Variants in RALGPS2 observed in about 807,000 individuals in gnomAD.
RALGPS2 encodes the protein ras-specific guanine nucleotide-releasing factor RalGPS2.
A neutral mutation model predicts 86.8 loss-of-function variants in RALGPS2; 43 were observed. That is an observed-to-expected ratio of 0.50 (90% CI 0.39 to 0.64). RALGPS2 has a LOEUF of 0.64. Ranked by LOEUF, RALGPS2 falls within the 30% of genes least tolerant of loss-of-function variation. The pLI is 0.00. For missense variants in RALGPS2, 536 were observed against 694.6 expected (o/e 0.77, Z 2.57); for synonymous variants, 243 against 231.3 (o/e 1.05, Z -0.46).
intron 10 of RALGPS2, 190 bp downstream of exon 10, chr1:178,879,182 C>T: frequency 3.2e-6 from 2 of 626,602 alleles, no homozygotes; most frequent in East Asian, 7.4e-5. Context: ...ATACAAATAC[C>T]TCATCTGTTC....
At chr1:178,818,351 C>A (rs998681525) in intron 6 of RALGPS2, among the ~76,000 whole-genome samples, 3 of 152,118 alleles carry the variant, frequency 2.0e-5, no homozygotes, top group Non-Finnish European at 4.4e-5. Context: ...CAGAGCGAGA[C>A]CACGTCTCAA....
At chr1:178,885,836 C>T (rs1295322705) in intron 12 of RALGPS2, 133 bp from the exon 13 acceptor site, 3 of 749,224 alleles carry the variant, frequency 4.0e-6, no homozygotes, top group Non-Finnish European at 6.2e-6. Flanking sequence ...CTAAACTGTT[C>T]ATTTGAGGCT....
rs573865891 is a variant in RALGPS2, at chr1:178,838,185, G to A, written c.607+4635G>A. Among the ~76,000 whole-genome samples, 57 of 152,280 alleles carry A rather than the reference G, an allele frequency of 3.7e-4. No homozygotes were observed. In the South Asian group the frequency reaches 5.4e-3, roughly 14 times the overall value. On this transcript the variant is annotated intron_variant, in intron 8 of 19. Transcript: ENST00000367635. ...AGCTTTGAAGAGAGTAATGGTTCTC[G>A]CAGCACAGAGTTTGAGATCTGAGAA...
At chr1:178,801,799 G>C (rs1654490822) in intron 4 of RALGPS2, among the ~76,000 whole-genome samples, 1 of 120,314 alleles carries the variant, frequency 8.3e-6, no homozygotes, top group South Asian at 2.9e-4. Context: ...ATTAACAAAA[G>C]GTGACTTGAT....
At chr1:178,906,904 T>C (rs1177640381) in intron 19 of RALGPS2, 37 bp downstream of exon 19, 1 of 1,579,158 alleles carries the variant, frequency 6.3e-7, no homozygotes, top group Non-Finnish European at 8.7e-7. Flanking sequence ...TAGTCCATAA[T>C]TTGGGAACAT....
chr1:178,754,484 C>T (rs1651852747), intron 1 of RALGPS2, among the ~76,000 whole-genome samples: 1 of 152,172 alleles, frequency 6.6e-6, no homozygotes, highest in African/African-American at 2.4e-5. Context: ...TTTGTTGTTT[C>T]AGTCTTGAGT....
At chr1:178,832,774 A>T (rs1252035279) in intron 7 of RALGPS2, among the ~76,000 whole-genome samples, 2 of 150,610 alleles carry the variant, frequency 1.3e-5, no homozygotes, top group African/African-American at 4.9e-5. Flanking sequence ...TGGGTGACTG[A>T]CTTTGCTTTT....
chr1:178,767,271 A>T (rs148552052), intron 1 of RALGPS2, among the ~76,000 whole-genome samples: 1 of 151,604 alleles, frequency 6.6e-6, no homozygotes, highest in African/African-American at 2.4e-5. Context: ...AAGACAGGAC[A>T]GTCTGGCCTT....
At chr1:178,797,231 C>G (rs1654234976) in intron 4 of RALGPS2, among the ~76,000 whole-genome samples, 1 of 152,082 alleles carries the variant, frequency 6.6e-6, no homozygotes, top group South Asian at 2.1e-4. Flanking sequence ...TAATTTATTT[C>G]CTGGATTGTA....
At chr1:178,736,181 T>A in intron 1 of RALGPS2, among the ~76,000 whole-genome samples, 1 of 148,544 alleles carries the variant, frequency 6.7e-6, no homozygotes, top group East Asian at 2.0e-4. Context: ...TTTTTTTTTT[T>A]CTGAGACAGA....
chr1:178,867,801 C>A (rs998009903), intron 8 of RALGPS2, among the ~76,000 whole-genome samples: 1 of 151,948 alleles, frequency 6.6e-6, no homozygotes, highest in African/African-American at 2.4e-5. Context: ...TATATCTAAC[C>A]TATGATTATG....
At position 178,886,060 on chromosome 1, in the gene RALGPS2, C is replaced by T; in HGVS notation, c.1132C>T (p.Pro378Ser). The T allele has an allele frequency of 6.2e-7, 1 of 1,613,458 alleles. No homozygotes were observed. The highest frequency in any genetic ancestry group is 1.1e-5 in the South Asian group (1 of 90,936). Residue 378 changes from proline to serine, a missense_variant, in exon 13 of 20, where the codon CCC becomes TCC. Pro to Ser is a moderately conservative substitution (Grantham distance 74). This residue lies in a region of RALGPS2 where 309 missense variants were observed against 363.0 expected (regional missense o/e 0.85). Coordinates refer to ENST00000367635, the MANE Select transcript of RALGPS2 (RefSeq NM_152663.5). ...TCTGTTAGATGATAGCGTCATGGAG[C>T]CCCATGCGCCATCTCGAGGCCAAGC... ...RHLLDDSVME[P>S]HAPSRGQAES...
chr1:178,744,949 G>A (rs893980415), intron 1 of RALGPS2, among the ~76,000 whole-genome samples: 1 of 152,086 alleles, frequency 6.6e-6, no homozygotes, highest in African/African-American at 2.4e-5. Context: ...GGGACTAAGT[G>A]AATTTAGTAA....
At chr1:178,827,008 G>A (rs1361963711) in intron 7 of RALGPS2, among the ~76,000 whole-genome samples, 2 of 152,144 alleles carry the variant, frequency 1.3e-5, no homozygotes, top group Non-Finnish European at 2.9e-5. Flanking sequence ...AATGAATTTA[G>A]TAACATTCCA....
intron 11 of RALGPS2, 30 bp downstream of exon 11, chr1:178,883,563 A>C (rs1466740520): frequency 6.5e-7 from 1 of 1,536,084 alleles, no homozygotes; most frequent in Non-Finnish European, 9.0e-7. Context: ...TTGTTACCAA[A>C]TCTAAATCAG....
chr1:178,885,747 C>G, intron 12 of RALGPS2: 1 of 348,088 alleles, frequency 2.9e-6, no homozygotes, highest in Non-Finnish European at 5.1e-6. Flanking sequence ...TAAACGGACA[C>G]GAGGCTTAAA....
chr1:178,781,026 AT>A (rs1448467310), intron 2 of RALGPS2, among the ~76,000 whole-genome samples: 2 of 151,686 alleles, frequency 1.3e-5, no homozygotes, highest in Non-Finnish European at 2.9e-5. Context: ...ATATATATAT[AT>A]GTATGTGTAT....
At chr1:178,904,633 T>A (rs1326159246) in intron 18 of RALGPS2, among the ~76,000 whole-genome samples, 1 of 152,194 alleles carries the variant, frequency 6.6e-6, no homozygotes, top group Non-Finnish European at 1.5e-5. Context: ...TATGTTTTTG[T>A]TTGCTTTGTT....
At chr1:178,859,975 A>G (rs2102319474) in intron 8 of RALGPS2, among the ~76,000 whole-genome samples, 1 of 152,024 alleles carries the variant, frequency 6.6e-6, no homozygotes, top group Admixed American at 6.5e-5. Context: ...TCTCGGCTAC[A>G]CAAAGCACTT....
Sources: allele counts gnomAD v4.1 joint callset (sites outside exome capture counted in the v4.1 genomes callset), GRCh38; gene constraint gnomAD v4.1.1; regional missense constraint gnomAD v4.1.1; transcripts MANE v1.5; gene names NCBI Gene and HGNC (gene_info 2026-07-23, HGNC 2026-07-21).